WDR27: variants seen among roughly 807,000 people sequenced by gnomAD.
WDR27 encodes the protein WD repeat domain 27.
In WDR27, 100 loss-of-function variants were observed where a neutral mutation model predicts 114.4. The ratio of observed to expected loss-of-function variants is 0.87; its 90% CI spans 0.74 to 1.03. The LOEUF (loss-of-function observed/expected upper bound fraction) is 1.03, where lower values mean the gene tolerates loss of function less well. Among genes scored for constraint, WDR27 ranks in the 50% least tolerant of loss-of-function variants. WDR27 has a pLI of 0.00. For missense variants in WDR27, 1,129 were observed against 1,092.9 expected (o/e 1.03, Z -0.47); for synonymous variants, 449 against 423.1 (o/e 1.06, Z -0.75).
chr6:169,462,362 G>A (rs1244010893), intron 25 of WDR27, among the ~76,000 whole-genome samples: 1 of 151,924 alleles, frequency 6.6e-6, no homozygotes, highest in African/African-American at 2.4e-5. Flanking sequence ...GCTTGAACCT[G>A]GGAGGTGGAG....
At chr6:169,539,461 T>TCA (rs1796582459) in intron 25 of WDR27, among the ~76,000 whole-genome samples, 1 of 152,146 alleles carries the variant, frequency 6.6e-6, no homozygotes. Context: ...CCCAAATGCC[T>TCA]CACTTCCTTC....
chr6:169,596,190 T>G (rs1340697100), intron 23 of WDR27, among the ~76,000 whole-genome samples: 1 of 152,116 alleles, frequency 6.6e-6, no homozygotes, highest in East Asian at 1.9e-4. Flanking sequence ...TGAACTATCA[T>G]AGTATTTGTT....
At chr6:169,595,269 C>T (rs4716369) in intron 23 of WDR27, among the ~76,000 whole-genome samples, 46,638 of 152,066 alleles carry the variant, frequency 0.31, 8,181 homozygotes, top group African/African-American at 0.47. Context: ...TGGCAGTTTA[C>T]GGTTTATTTT....
chr6:169,459,535 ATATATATACAT>A (rs943233418), intron 25 of WDR27, among the ~76,000 whole-genome samples: 1 of 151,402 alleles, frequency 6.6e-6, no homozygotes, highest in African/African-American at 2.4e-5. Flanking sequence ...CTATAAATGT[ATATATATACAT>A]TTATATATGT....
chr6:169,456,470 T>C (rs1330658272), downstream of WDR27, among the ~76,000 whole-genome samples: 1 of 151,912 alleles, frequency 6.6e-6, no homozygotes, highest in East Asian at 1.9e-4. This position sits in a 1 kb window ranked among gnomAD's most constrained non-coding sequence, Gnocchi z 4.0. Flanking sequence ...GTCCCAGGAG[T>C]CCTCACATGG....
At chr6:169,573,637 G>A (rs1440723297) in intron 24 of WDR27, among the ~76,000 whole-genome samples, 2 of 152,170 alleles carry the variant, frequency 1.3e-5, no homozygotes, top group East Asian at 1.9e-4. Flanking sequence ...TGATGATTGC[G>A]ATAGTAATAT....
At chr6:169,571,731 AG>A (rs1801460906) in intron 25 of WDR27, among the ~76,000 whole-genome samples, 1 of 152,176 alleles carries the variant, frequency 6.6e-6, no homozygotes, top group South Asian at 2.1e-4. Flanking sequence ...CGAGCAACTC[AG>A]GAAGCTGAGG....
At chr6:169,473,372 G>A (rs1016229563) in intron 25 of WDR27, among the ~76,000 whole-genome samples, 9 of 152,140 alleles carry the variant, frequency 5.9e-5, no homozygotes, top group African/African-American at 2.2e-4. Context: ...CTAGTGTTGA[G>A]CTTTATTTTA....
intron 1 of WDR27, among the ~76,000 whole-genome samples, chr6:169,692,772 A>G (rs1784843078): frequency 6.6e-6 from 1 of 152,170 alleles, no homozygotes; most frequent in Non-Finnish European, 1.5e-5. Context: ...CAGCAGCTGC[A>G]GCAAGCCCTG....
At chr6:169,692,563 G>A (rs1441631867) in intron 1 of WDR27, among the ~76,000 whole-genome samples, 1 of 152,184 alleles carries the variant, frequency 6.6e-6, no homozygotes, top group Admixed American at 6.5e-5. Context: ...CACACAGGCT[G>A]TCTGCATCTA....
chr6:169,463,949 A>ATTT, intron 25 of WDR27, among the ~76,000 whole-genome samples: 1 of 152,228 alleles, frequency 6.6e-6, no homozygotes, highest in East Asian at 1.9e-4. Flanking sequence ...ATCACTAAAA[A>ATTT]GTCTATATTA....
At chr6:169,672,206 G>C (rs758900839) in intron 3 of WDR27, 49 bp downstream of exon 3, 2 of 1,589,270 alleles carry the variant, frequency 1.3e-6, no homozygotes, top group Non-Finnish European at 1.7e-6. Context: ...TGAAGGATGA[G>C]TTATTCCTTT....
At chr6:169,655,458 A>G (rs1476440714) in intron 13 of WDR27, among the ~76,000 whole-genome samples, 1 of 152,272 alleles carries the variant, frequency 6.6e-6, no homozygotes, top group Non-Finnish European at 1.5e-5. Flanking sequence ...TCGTGGGTAC[A>G]TAAACCGCAG....
the WDR27 span, among the ~76,000 whole-genome samples, chr6:169,451,394 C>A: frequency 6.6e-6 from 1 of 152,206 alleles, no homozygotes; most frequent in Non-Finnish European, 1.5e-5. Context: ...TGTTCCCCGA[C>A]CACCATCACC....
chr6:169,581,476 C>T (rs916132316), intron 24 of WDR27, among the ~76,000 whole-genome samples: 1 of 152,156 alleles, frequency 6.6e-6, no homozygotes, highest in African/African-American at 2.4e-5. Context: ...TAGGTGATGG[C>T]ACAAATATTA....
intron 24 of WDR27, among the ~76,000 whole-genome samples, chr6:169,580,934 T>C (rs1803268260): frequency 2.5e-5 from 1 of 39,230 alleles, no homozygotes; most frequent in Admixed American, 3.5e-4. Context: ...TAGTGAATTT[T>C]ATATATATAT....
chr6:169,501,961 C>T (rs1791305806), intron 25 of WDR27, among the ~76,000 whole-genome samples: 1 of 152,228 alleles, frequency 6.6e-6, no homozygotes. Flanking sequence ...TTCAGACTCT[C>T]CCCTAAGATC....
intron 4 of WDR27, among the ~76,000 whole-genome samples, chr6:169,669,264 G>A (rs1237465546): frequency 2.0e-5 from 3 of 152,120 alleles, no homozygotes; most frequent in East Asian, 1.9e-4. Flanking sequence ...ACGGACTCAC[G>A]TGACAACCAT....
At chr6:169,651,634 C>A (rs1584914739) in intron 14 of WDR27, among the ~76,000 whole-genome samples, 1 of 152,138 alleles carries the variant, frequency 6.6e-6, no homozygotes, top group Non-Finnish European at 1.5e-5. Flanking sequence ...CTCTCCCAGC[C>A]CCACACCCCA....
Sources: gnomAD v4.1 joint callset for allele counts (sites outside exome capture counted in the v4.1 genomes callset) on GRCh38, gnomAD v4.1.1 for gene constraint, Gnocchi (gnomAD v3.1) non-coding constraint, MANE v1.5 for transcripts, NCBI Gene and HGNC (gene_info 2026-07-23, HGNC 2026-07-21) for gene names.